Variants in GABRB1 observed in about 807,000 individuals in gnomAD.
The protein encoded by GABRB1 is gamma-aminobutyric acid type A receptor subunit beta1, also known as gamma-aminobutyric acid receptor subunit beta-1.
GABRB1 carries 17 observed loss-of-function variants against 51.6 expected under a neutral mutation model. The observed-to-expected ratio is 0.33, with a 90% confidence interval of 0.23 to 0.49. GABRB1 has a LOEUF of 0.49. Among genes scored for constraint, GABRB1 ranks in the 20% least tolerant of loss-of-function variants. GABRB1 has a pLI of 0.99. For synonymous variants in GABRB1, 247 were observed against 218.9 expected (o/e 1.13, Z -1.14); for missense variants, 410 against 600.6 (o/e 0.68, Z 3.32).
rs147629003 is a variant in GABRB1, at chr4:47,074,215, A to G, written c.240+41731A>G. Among the ~76,000 whole-genome samples, 66 of 152,352 alleles carry G rather than the reference A, an allele frequency of 4.3e-4. 1 individual carries two copies. Among genetic ancestry groups the G allele is most frequent in the Admixed American group, 9.2e-4 (14 of 15,300 alleles). On this transcript the variant is annotated intron_variant, in intron 3 of 8. Coordinates refer to ENST00000295454, the MANE Select transcript of GABRB1 (RefSeq NM_000812.4). ...ACAAGCAAATACACTAAAAGATAGT[A>G]TATTAAAAATGCCTGTACAAAAAGG...
intron 4 of GABRB1, among the ~76,000 whole-genome samples, chr4:47,244,950 C>A (rs1721686296): frequency 6.6e-6 from 1 of 152,058 alleles, no homozygotes; most frequent in Non-Finnish European, 1.5e-5. Context: ...GAAGCAAGAG[C>A]AAACGCATTC....
intron 5 of GABRB1, among the ~76,000 whole-genome samples, chr4:47,394,426 G>T (rs1273977483): frequency 1.3e-5 from 2 of 151,788 alleles, no homozygotes; most frequent in Non-Finnish European, 2.9e-5. Context: ...AAAACCATGT[G>T]CAGTCTAGCT....
At chr4:47,026,874 T>C (rs545015434), upstream of GABRB1, among the ~76,000 whole-genome samples, 12 of 152,038 alleles carry the variant, frequency 7.9e-5, no homozygotes, top group South Asian at 2.1e-4. Context: ...AATAACGTAC[T>C]AGAAAAGAAT....
chr4:47,243,830 C>T (rs1721633902), intron 4 of GABRB1, among the ~76,000 whole-genome samples: 1 of 152,184 alleles, frequency 6.6e-6, no homozygotes, highest in African/African-American at 2.4e-5. Flanking sequence ...CATCTGCAAA[C>T]AGGGACAATT....
chr4:47,261,978 C>A (rs1031073512), intron 4 of GABRB1, among the ~76,000 whole-genome samples: 3 of 151,686 alleles, frequency 2.0e-5, no homozygotes, highest in African/African-American at 7.3e-5. Flanking sequence ...GCTGGGAAAA[C>A]TGGCTAGCCA....
At chr4:47,101,944 A>T (rs1714741787) in intron 3 of GABRB1, among the ~76,000 whole-genome samples, 1 of 152,000 alleles carries the variant, frequency 6.6e-6, no homozygotes, top group Non-Finnish European at 1.5e-5. Context: ...CGCCTCCTTC[A>T]TGTCTGAAGT....
intron 4 of GABRB1, among the ~76,000 whole-genome samples, chr4:47,242,163 T>G (rs1260580279): frequency 6.6e-6 from 1 of 152,172 alleles, no homozygotes; most frequent in African/African-American, 2.4e-5. Flanking sequence ...TGCAATAGTT[T>G]GCTGAGAATG....
chr4:47,360,918 C>T (rs572825855), intron 5 of GABRB1, among the ~76,000 whole-genome samples: 1 of 152,014 alleles, frequency 6.6e-6, no homozygotes, highest in African/African-American at 2.4e-5. Context: ...ATTCTAAATG[C>T]CTTATGCATG....
intron 8 of GABRB1, among the ~76,000 whole-genome samples, chr4:47,414,115 C>G (rs1728842042): frequency 6.6e-6 from 1 of 152,184 alleles, no homozygotes; most frequent in Admixed American, 6.5e-5. Flanking sequence ...GAGACTGATT[C>G]AGTCATTCCG....
At chr4:47,248,559 G>A (rs904509839) in intron 4 of GABRB1, among the ~76,000 whole-genome samples, 6 of 152,016 alleles carry the variant, frequency 3.9e-5, no homozygotes, top group African/African-American at 1.4e-4. Flanking sequence ...TCTATCTTGT[G>A]GAATAGTGTC....
At chr4:47,180,037 C>T (rs1718879116) in intron 4 of GABRB1, among the ~76,000 whole-genome samples, 1 of 151,856 alleles carries the variant, frequency 6.6e-6, no homozygotes, top group African/African-American at 2.4e-5. Flanking sequence ...CAAACCCAGT[C>T]TCAAAAAAGA....
chr4:47,157,093 A>T (rs1475793965), intron 3 of GABRB1, among the ~76,000 whole-genome samples: 1 of 152,036 alleles, frequency 6.6e-6, no homozygotes, highest in African/African-American at 2.4e-5. Flanking sequence ...AGCCCAACTA[A>T]TTTTATTAGC....
intron 4 of GABRB1, among the ~76,000 whole-genome samples, chr4:47,285,389 A>C (rs1723469700): frequency 1.3e-5 from 2 of 152,214 alleles, no homozygotes; most frequent in Admixed American, 1.3e-4. Flanking sequence ...TTTTTTACTG[A>C]CCTGACATTC....
intron 4 of GABRB1, among the ~76,000 whole-genome samples, chr4:47,291,148 T>G (rs1723713961): frequency 6.6e-6 from 1 of 151,988 alleles, no homozygotes; most frequent in Non-Finnish European, 1.5e-5. Flanking sequence ...GTCTAGGGAC[T>G]TGGTGCCCTG....
chr4:47,068,293 T>C (rs1727172443), intron 3 of GABRB1, among the ~76,000 whole-genome samples: 1 of 152,240 alleles, frequency 6.6e-6, no homozygotes, highest in African/African-American at 2.4e-5. Flanking sequence ...ATAAAGCTAT[T>C]TCACTTTCTT....
rs117946188 is a variant in GABRB1 at position 47,399,982 on chromosome 4, G to A, written c.545-3336G>A. ...TTATTTAGTAAGCTCTGGGGAATTT[G>A]TATTTTCTTTTTGTTTATTATGGCT... On this transcript the variant is annotated intron_variant, in intron 5 of 8. Coordinates refer to ENST00000295454, the MANE Select transcript of GABRB1 (RefSeq NM_000812.4). Among the ~76,000 whole-genome samples, 28 of 152,188 alleles carry A rather than the reference G, an allele frequency of 1.8e-4. No homozygotes were observed. The East Asian group carries it at 5.4e-3, about 29-fold the overall frequency.
In GABRB1 at chr4:47,383,994, C is replaced by T. The variant is rs116113597; in HGVS notation, c.545-19324C>T. Among the ~76,000 whole-genome samples, 1,406 of 152,210 alleles carry T rather than the reference C, an allele frequency of 9.2e-3. 19 individuals carry two copies. Among genetic ancestry groups the T allele is most frequent in the African/African-American group, 0.032 (1,318 of 41,542 alleles). ...GAATAAAATCTTCACAGTATCATGT[C>T]GCTGCCTATGAATCTGGAAGATCTT... On this transcript the variant is annotated intron_variant, in intron 5 of 8. Transcript: ENST00000295454.
chr4:47,243,776 A>G (rs1721629657), intron 4 of GABRB1, among the ~76,000 whole-genome samples: 1 of 152,126 alleles, frequency 6.6e-6, no homozygotes, highest in Non-Finnish European at 1.5e-5. Flanking sequence ...GCTTAAGGAG[A>G]TTTTGGGCTG....
At chr4:47,094,963 T>G (rs1207717959) in intron 3 of GABRB1, among the ~76,000 whole-genome samples, 1 of 151,816 alleles carries the variant, frequency 6.6e-6, no homozygotes, top group Non-Finnish European at 1.5e-5. Context: ...AAAGAGAATT[T>G]GAGGAGACAC....
Sources: allele counts gnomAD v4.1 joint callset (sites outside exome capture counted in the v4.1 genomes callset), GRCh38; gene constraint gnomAD v4.1.1; transcripts MANE v1.5; gene names NCBI Gene and HGNC (gene_info 2026-07-23, HGNC 2026-07-21).